MRTFB: variants seen among roughly 807,000 people sequenced by gnomAD.
MRTFB encodes myocardin-related transcription factor B.
MRTFB carries 29 observed loss-of-function variants against 104.2 expected under a neutral mutation model. The ratio of observed to expected loss-of-function variants is 0.28; its 90% CI spans 0.21 to 0.38. MRTFB has a LOEUF of 0.38. MRTFB is among the 10% of genes least tolerant of loss of function. The probability of loss-of-function intolerance (pLI) is 1.00; values close to 1 mark genes in which losing one functional copy is unlikely to be tolerated. For missense variants in MRTFB, 1,270 were observed against 1,341.6 expected, an observed-to-expected ratio of 0.95 and a Z score of 0.83; for synonymous variants, 535 against 519.5, an observed-to-expected ratio of 1.03 and a Z score of -0.41.
intron 2 of MRTFB, among the ~76,000 whole-genome samples, chr16:14,091,163 C>T (rs1208390130): frequency 2.0e-5 from 3 of 152,014 alleles, no homozygotes; most frequent in African/African-American, 2.4e-5. Context: ...GGCTGTTACA[C>T]GAGTCCAGGT....
chr16:14,033,595 G>A, the MRTFB span, among the ~76,000 whole-genome samples: 1 of 151,868 alleles, frequency 6.6e-6, no homozygotes, highest in East Asian at 1.9e-4. Context: ...CCAGCACTTT[G>A]GGAGGCTGAG....
chr16:14,171,977 T>C (rs2039437731), intron 3 of MRTFB, among the ~76,000 whole-genome samples: 1 of 152,210 alleles, frequency 6.6e-6, no homozygotes, highest in African/African-American at 2.4e-5. Flanking sequence ...TGAAATGCAG[T>C]TGCATTCATT....
intron 3 of MRTFB, among the ~76,000 whole-genome samples, chr16:14,206,380 A>T (rs1265666568): frequency 6.6e-6 from 1 of 152,230 alleles, no homozygotes; most frequent in African/African-American, 2.4e-5. Flanking sequence ...TGTGACTTAT[A>T]CATTAATTTT....
At chr16:14,195,859 G>GT (rs1270864045) in intron 3 of MRTFB, among the ~76,000 whole-genome samples, 1 of 152,184 alleles carries the variant, frequency 6.6e-6, no homozygotes, top group African/African-American at 2.4e-5. Flanking sequence ...TTTGGGAACT[G>GT]TATAGATAAG....
At chr16:14,048,580 G>A in the MRTFB span, among the ~76,000 whole-genome samples, 2 of 152,304 alleles carry the variant, frequency 1.3e-5, no homozygotes, top group Non-Finnish European at 2.9e-5. Context: ...AGTGTGCAGG[G>A]CCTTTGAGGT....
intron 3 of MRTFB, chr16:14,193,744 G>A (rs1465773558): frequency 6.6e-6 from 1 of 152,086 alleles, no homozygotes; most frequent in Non-Finnish European, 1.5e-5. Context: ...GTGTTCGTGG[G>A]GCTGCTGTGG....
intron 3 of MRTFB, among the ~76,000 whole-genome samples, chr16:14,194,474 C>G (rs551404468): frequency 6.6e-6 from 1 of 152,292 alleles, no homozygotes; most frequent in African/African-American, 2.4e-5. Context: ...TTTCCAAATG[C>G]AGTCACATTG....
At chr16:14,234,090 T>C (rs2042389610) in intron 8 of MRTFB, 56 bp from the exon 9 acceptor site, 7 of 1,580,562 alleles carry the variant, frequency 4.4e-6, no homozygotes, top group Non-Finnish European at 6.0e-6. Context: ...TTCTAATTTT[T>C]CTGTTTTTAT....
At chr16:13,999,082 C>A in the MRTFB span, among the ~76,000 whole-genome samples, 6 of 147,724 alleles carry the variant, frequency 4.1e-5, no homozygotes, top group Middle Eastern at 3.7e-3. Flanking sequence ...CCCAGCTACT[C>A]GGGAGGTTGA....
chr16:13,999,147 G>A, the MRTFB span, among the ~76,000 whole-genome samples: 4 of 149,556 alleles, frequency 2.7e-5, no homozygotes, highest in African/African-American at 4.9e-5. Context: ...CTGAGATCTC[G>A]TCACTGTACT....
chr16:14,081,421 T>G (rs1365194829), intron 2 of MRTFB, among the ~76,000 whole-genome samples: 1 of 152,112 alleles, frequency 6.6e-6, no homozygotes, highest in South Asian at 2.1e-4. Flanking sequence ...GCCTCGCAAG[T>G]AGCTGGGATT....
intron 3 of MRTFB, among the ~76,000 whole-genome samples, chr16:14,208,164 A>G (rs1015782964): frequency 3.3e-5 from 5 of 152,200 alleles, no homozygotes; most frequent in African/African-American, 1.2e-4. Flanking sequence ...TGTTAGCATG[A>G]AAGTGTGATT....
chr16:14,060,973 T>C, the MRTFB span, among the ~76,000 whole-genome samples: 3,121 of 152,060 alleles, frequency 0.021, 100 homozygotes, highest in African/African-American at 0.067. Context: ...AGTGAAACCC[T>C]GTCTCTACTA....
At chr16:14,053,173 A>C in the MRTFB span, among the ~76,000 whole-genome samples, 1 of 151,940 alleles carries the variant, frequency 6.6e-6, no homozygotes, top group Non-Finnish European at 1.5e-5. Context: ...TGATCCTCCC[A>C]CGTCGACCTC....
chr16:14,247,357 T>C lies in MRTFB; in HGVS notation c.2097T>C (p.Tyr699=), dbSNP rs1026038369. Residue 699 remains tyrosine, a synonymous_variant, in exon 12 of 17, where the codon TAT becomes TAC. Coordinates refer to ENST00000571589, the MANE Select transcript of MRTFB (RefSeq NM_001308142.2). ...AGCAGAGTGTCGTCTCGCAGTTTTATGTGAGTTCCCAGGGACAGCCACCGC... is the reference window on the plus strand; with the variant it reads ...AGCAGAGTGTCGTCTCGCAGTTTTACGTGAGTTCCCAGGGACAGCCACCGC... ...AEQQSVVSQF[Y]VSSQGQPPPA... 1.3e-5 allele frequency: 21 copies of C among 1,614,066 alleles called. No individual in the cohort carries two copies. The highest frequency in any genetic ancestry group is 1.7e-5 in the Non-Finnish European group (20 of 1,180,046).
At chr16:14,145,807 T>C (rs1394615026) in intron 3 of MRTFB, among the ~76,000 whole-genome samples, 1 of 152,186 alleles carries the variant, frequency 6.6e-6, no homozygotes, top group African/African-American at 2.4e-5. Flanking sequence ...ATGAGCAGAC[T>C]GGGAATAAAA....
the MRTFB span, among the ~76,000 whole-genome samples, chr16:14,060,943 G>A: frequency 4.6e-5 from 7 of 152,194 alleles, no homozygotes; most frequent in East Asian, 5.8e-4. Flanking sequence ...TCAGGAGATC[G>A]AGACCATCCT....
At chr16:14,090,882 GT>G (rs1937996516) in intron 2 of MRTFB, among the ~76,000 whole-genome samples, 1 of 20,886 alleles carries the variant, frequency 4.8e-5, no homozygotes, top group Admixed American at 6.9e-4. Flanking sequence ...TCAGCATGGT[GT>G]GTGTGTGTGT....
chr16:14,182,141 T>C (rs1186055978), intron 3 of MRTFB, among the ~76,000 whole-genome samples: 1 of 152,082 alleles, frequency 6.6e-6, no homozygotes, highest in Non-Finnish European at 1.5e-5. Context: ...GTGACAGTGG[T>C]GGGGGTTTCT....
Sources: gnomAD v4.1 joint callset for allele counts (sites outside exome capture counted in the v4.1 genomes callset) on GRCh38, gnomAD v4.1.1 for gene constraint, MANE v1.5 for transcripts, NCBI Gene and HGNC (gene_info 2026-07-23, HGNC 2026-07-21) for gene names.